The following NCKAP5 variants were observed in gnomAD, a reference collection of about 807,000 sequenced individuals.
The protein encoded by NCKAP5 is NCK associated protein 5, also known as nck-associated protein 5.
In NCKAP5, 92 loss-of-function variants were observed where a neutral mutation model predicts 167.0. The observed-to-expected ratio is 0.55, with a 90% confidence interval of 0.47 to 0.66. NCKAP5 has a LOEUF of 0.66. NCKAP5 is among the 30% of genes least tolerant of loss of function. The pLI is 0.00. For synonymous variants in NCKAP5, 891 were observed against 877.4 expected (o/e 1.02, Z -0.27); for missense variants, 2,378 against 2,315.0 (o/e 1.03, Z -0.56).
In NCKAP5 at chr2:132,672,522, A is replaced by G. The variant is rs1354692130; in HGVS notation, c.*767T>C. The G allele has an allele frequency of 6.6e-6, 1 of 152,274 alleles. No individual in the cohort carries two copies. The highest frequency in any genetic ancestry group is 1.5e-5 in the Non-Finnish European group (1 of 68,036). The allele number at this position is 152,274 out of a possible 1,614,324, so 9.4% of individuals were successfully genotyped here. A position where few individuals can be genotyped will look rare whatever the true frequency, so the allele number is the denominator to read the frequency against. ...ATTTGTGAGATGGAGATGAGGAGGA[A>G]CCCTCCGATTTTTTGGCAGGCCCTG... is the stretch of plus-strand genomic sequence containing the variant. On this transcript the variant is annotated 3_prime_UTR_variant, in exon 20 of 20. Transcript: ENST00000409261.
chr2:133,251,537 T>C (rs1000413040), intron 4 of NCKAP5, among the ~76,000 whole-genome samples: 8 of 149,346 alleles, frequency 5.4e-5, no homozygotes, highest in African/African-American at 1.8e-4. Context: ...ATTTAGCACA[T>C]AGCAGATGCC....
At chr2:132,721,367 GA>G (rs1428729199) in intron 19 of NCKAP5, among the ~76,000 whole-genome samples, 3 of 152,070 alleles carry the variant, frequency 2.0e-5, no homozygotes, top group African/African-American at 7.2e-5. Flanking sequence ...GGGTGTGTTT[GA>G]AAAGGGCAGC....
chr2:133,487,867 C>T (rs1251320334), intron 3 of NCKAP5, among the ~76,000 whole-genome samples: 5 of 152,136 alleles, frequency 3.3e-5, no homozygotes, highest in African/African-American at 1.2e-4. Context: ...CATGGAGTCC[C>T]CTGTAGGTTC....
At chr2:132,816,363 T>C (rs1257485636) in intron 11 of NCKAP5, among the ~76,000 whole-genome samples, 1 of 152,066 alleles carries the variant, frequency 6.6e-6, no homozygotes, top group Non-Finnish European at 1.5e-5. Context: ...GATAGGTAAA[T>C]GCTTCAGTAG....
At chr2:133,494,471 C>T (rs1681753519) in intron 3 of NCKAP5, among the ~76,000 whole-genome samples, 1 of 152,162 alleles carries the variant, frequency 6.6e-6, no homozygotes. Flanking sequence ...AGTCCTGCAT[C>T]CCTTCAATCC....
At chr2:132,836,767 C>T (rs1402062558) in intron 11 of NCKAP5, among the ~76,000 whole-genome samples, 1 of 152,160 alleles carries the variant, frequency 6.6e-6, no homozygotes, top group Non-Finnish European at 1.5e-5. Context: ...TTATTTTCCA[C>T]CCCCTAGAGC....
At chr2:133,285,455 C>T (rs1396835187) in intron 4 of NCKAP5, among the ~76,000 whole-genome samples, 1 of 148,766 alleles carries the variant, frequency 6.7e-6, no homozygotes, top group Non-Finnish European at 1.5e-5. Context: ...AATGGTTTAG[C>T]AATGAGCTAG....
chr2:132,723,076 C>T (rs1690088873), intron 19 of NCKAP5, among the ~76,000 whole-genome samples: 2 of 151,956 alleles, frequency 1.3e-5, no homozygotes, highest in African/African-American at 4.8e-5. Context: ...ATTCTCTTGC[C>T]TTACCGTCCC....
chr2:132,911,152 C>T, intron 8 of NCKAP5: 2 of 214,556 alleles, frequency 9.3e-6, no homozygotes, highest in Non-Finnish European at 2.0e-5. Context: ...AGGGGCCTGA[C>T]CCACTCAGCC....
At position 132,783,816 on chromosome 2, in the gene NCKAP5, C is replaced by G. The variant is rs1683288473; in HGVS notation, c.2995G>C (p.Ala999Pro). The change falls in exon 14 of 20, where the codon GCC becomes CCC. Residue 999 changes from alanine (A) to proline (P), a missense_variant. By Grantham distance (27) the Ala-to-Pro change is conservative. Around this residue, in one of 3 missense-constraint regions of NCKAP5, gnomAD observed 1,325 missense variants for 1,274.5 expected, o/e 1.04. Coordinates refer to ENST00000409261, the MANE Select transcript of NCKAP5 (RefSeq NM_207363.3). ...TGAGTGAAGATAGGCTTTTTGAAGG[C>G]CACAGAAGGTTTCTTCCTCTGCACT... ...TEVQRKKPSV[A>P]FKKPIFTHPM... is the part of the protein sequence containing the mutation. The G allele has an allele frequency of 6.5e-7, 1 of 1,534,206 alleles. No homozygotes were observed. Among genetic ancestry groups the G allele is most frequent in the Non-Finnish European group, 8.8e-7 (1 of 1,142,758 alleles).
intron 3 of NCKAP5, among the ~76,000 whole-genome samples, chr2:133,498,393 A>G (rs771366646): frequency 9.2e-5 from 14 of 151,496 alleles, no homozygotes; most frequent in Admixed American, 3.3e-4. Context: ...GAAAGAAAGA[A>G]AGGATGAAAA....
intron 8 of NCKAP5, among the ~76,000 whole-genome samples, chr2:132,916,285 G>C (rs751893834): frequency 2.6e-5 from 4 of 151,976 alleles, no homozygotes; most frequent in Non-Finnish European, 5.9e-5. Context: ...ATTTATGATC[G>C]AATGTGACAG....
At chr2:133,180,062 A>G (rs551874036) in intron 5 of NCKAP5, among the ~76,000 whole-genome samples, 1 of 152,322 alleles carries the variant, frequency 6.6e-6, no homozygotes, top group East Asian at 1.9e-4. Flanking sequence ...AATGAAAGAC[A>G]AAGGAAGTCT....
intron 4 of NCKAP5, among the ~76,000 whole-genome samples, chr2:133,246,267 A>T (rs560639748): frequency 1.8e-4 from 28 of 152,244 alleles, no homozygotes; most frequent in African/African-American, 6.3e-4. Context: ...GGAAAAAAAA[A>T]AAATCACTGT....
chr2:133,190,713 G>T (rs2085177766), intron 5 of NCKAP5, among the ~76,000 whole-genome samples: 2 of 152,134 alleles, frequency 1.3e-5, no homozygotes, highest in Non-Finnish European at 2.9e-5. Flanking sequence ...AAACTGGCTA[G>T]CCATATGGAG....
At chr2:133,655,757 AATAG>A in the NCKAP5 span, among the ~76,000 whole-genome samples, 1 of 152,258 alleles carries the variant, frequency 6.6e-6, no homozygotes, top group Non-Finnish European at 1.5e-5. Flanking sequence ...ACTTAGTAGC[AATAG>A]ATGTTGGCAG....
intron 3 of NCKAP5, among the ~76,000 whole-genome samples, chr2:133,478,956 A>C (rs1452392618): frequency 6.6e-6 from 1 of 152,054 alleles, no homozygotes; most frequent in Admixed American, 6.6e-5. Context: ...ATTTCAAGGG[A>C]AACTGCAATC....
At chr2:133,123,743 A>ATGCT in intron 6 of NCKAP5, 1 of 471,108 alleles carries the variant, frequency 2.1e-6, no homozygotes, top group Non-Finnish European at 4.4e-6. Flanking sequence ...CTCTGTGCTG[A>ATGCT]TGCTTGTCCA....
rs528097025 is a variant in NCKAP5, at chr2:132,869,046, T to C, written c.649-72A>G. 25 of 1,139,960 alleles carry C rather than the reference T, an allele frequency of 2.2e-5. No homozygotes were observed. In the African/African-American group the frequency reaches 3.5e-4, roughly 16 times the overall value. The allele number at this position is 1,139,960 out of a possible 1,614,324, so 70.6% of individuals were successfully genotyped here. On this transcript the variant is annotated intron_variant, in intron 9 of 19. Coordinates refer to ENST00000409261, the MANE Select transcript of NCKAP5 (RefSeq NM_207363.3). ...ATATGCACCGACTCTAATTTACCAATAAGTTTCTCGCAGCTTATTGTAGCT... is the reference window on the plus strand; with the variant it reads ...ATATGCACCGACTCTAATTTACCAACAAGTTTCTCGCAGCTTATTGTAGCT...
Sources: gnomAD v4.1 joint callset for allele counts (sites outside exome capture counted in the v4.1 genomes callset) on GRCh38, gnomAD v4.1.1 for gene constraint, gnomAD v4.1.1 regional missense constraint, MANE v1.5 for transcripts, NCBI Gene and HGNC (gene_info 2026-07-23, HGNC 2026-07-21) for gene names.